NGEF: variants seen among roughly 807,000 people sequenced by gnomAD.
NGEF encodes the protein neuronal guanine nucleotide exchange factor, also known as ephexin-1.
In NGEF, 31 loss-of-function variants were observed where a neutral mutation model predicts 80.9. That is an observed-to-expected ratio of 0.38 (90% CI 0.29 to 0.52). The LOEUF (loss-of-function observed/expected upper bound fraction) is 0.52. Ranked by LOEUF, NGEF falls within the 20% of genes least tolerant of loss-of-function variation. The pLI is 0.84. For synonymous variants in NGEF, 371 were observed against 370.2 expected, an observed-to-expected ratio of 1.00 and a Z score of -0.03; for missense variants, 709 against 926.2, an observed-to-expected ratio of 0.77 and a Z score of 3.04.
chr2:232,931,030 A>G (rs912182863), intron 3 of NGEF, among the ~76,000 whole-genome samples: 9 of 152,206 alleles, frequency 5.9e-5, no homozygotes, highest in Non-Finnish European at 1.3e-4. Flanking sequence ...GAAAAATTCT[A>G]TGTTTCCAAA....
chr2:232,984,258 A>AT (rs11429177), intron 1 of NGEF, among the ~76,000 whole-genome samples: 75,652 of 145,286 alleles, frequency 0.52, 21,063 homozygotes, highest in East Asian at 0.91. Context: ...TTAATTTTCA[A>AT]TTTTTTTTTT....
intron 5 of NGEF, among the ~76,000 whole-genome samples, chr2:232,902,941 C>G (rs957062882): frequency 6.6e-6 from 1 of 152,174 alleles, no homozygotes; most frequent in Non-Finnish European, 1.5e-5. Flanking sequence ...TTGCAGTGAG[C>G]TGAGATCGCG....
intron 1 of NGEF, among the ~76,000 whole-genome samples, chr2:232,988,302 T>C (rs1001245016): frequency 1.3e-5 from 2 of 152,188 alleles, no homozygotes; most frequent in African/African-American, 2.4e-5. Context: ...AATTGTAACG[T>C]GGCTGAAATG....
At chr2:232,899,211 C>CTG (rs151240038) in intron 5 of NGEF, among the ~76,000 whole-genome samples, 2 of 151,816 alleles carry the variant, frequency 1.3e-5, no homozygotes, top group East Asian at 3.9e-4. Flanking sequence ...GAGTATGTGA[C>CTG]TGTGTGTGTG....
chr2:232,900,049 C>T (rs111163113), intron 5 of NGEF, among the ~76,000 whole-genome samples: 60 of 146,566 alleles, frequency 4.1e-4, no homozygotes, highest in Admixed American at 2.4e-3. Flanking sequence ...CACACACACA[C>T]GCTCTCACAG....
intron 1 of NGEF, 42 bp from the exon 2 acceptor site, chr2:232,975,006 C>G: frequency 2.0e-6 from 2 of 993,888 alleles, no homozygotes; most frequent in Non-Finnish European, 2.9e-6. Flanking sequence ...AGTCATCAGG[C>G]TAAGTATTCT....
Position 232,974,610 on chromosome 2 carries a change from C to A in NGEF, c.268+13G>T. ...GTAAGGGAACAGCCGTGACAGCTGT[C>A]CCTGATACTGACCTGCCAGGCAGCT... On this transcript the variant is annotated intron_variant, in intron 2 of 14. Transcript: ENST00000264051. 6.2e-7 allele frequency: 1 copy of A among 1,613,056 alleles called. No homozygotes were observed. Among genetic ancestry groups the A allele is most frequent in the East Asian group, 2.2e-5 (1 of 44,886 alleles).
chr2:232,880,008 C>A (rs1286369592), intron 14 of NGEF, among the ~76,000 whole-genome samples: 2 of 152,214 alleles, frequency 1.3e-5, no homozygotes, highest in African/African-American at 2.4e-5. Context: ...CTCCAAAAAG[C>A]TGGAGGCATT....
Position 232,898,037 on chromosome 2 carries a change from G to A in NGEF, c.829-3121C>T, listed in dbSNP as rs77788624. 4.4e-4 allele frequency among the ~76,000 whole-genome samples: 65 copies of A among 149,066 alleles called. 4 individuals are homozygous for A. The East Asian group carries it at 0.012, about 27-fold the overall frequency. On this transcript the variant is annotated intron_variant, in intron 5 of 14. Coordinates refer to ENST00000264051, the MANE Select transcript of NGEF (RefSeq NM_019850.3). ...GACCCCGAGTCGGCCAGTGTCCACCGACACAAAAGTGAGGCTATGACGGGC... is the reference window on the plus strand; with the variant it reads ...GACCCCGAGTCGGCCAGTGTCCACCAACACAAAAGTGAGGCTATGACGGGC...
intron 1 of NGEF, among the ~76,000 whole-genome samples, chr2:232,975,188 C>G (rs1158322105): frequency 1.3e-5 from 2 of 152,132 alleles, no homozygotes; most frequent in Non-Finnish European, 2.9e-5. Context: ...CTAAGAGGCA[C>G]TTTTAGGGGG....
chr2:232,990,282 T>C (rs1414872349), intron 1 of NGEF, among the ~76,000 whole-genome samples: 2 of 151,974 alleles, frequency 1.3e-5, no homozygotes, highest in South Asian at 2.1e-4. Flanking sequence ...TATAGTATTA[T>C]AGTAACAAAG....
chr2:233,004,842 G>A (rs1231134941), intron 1 of NGEF, among the ~76,000 whole-genome samples: 1 of 152,102 alleles, frequency 6.6e-6, no homozygotes, highest in African/African-American at 2.4e-5. Flanking sequence ...TTTGGTTGAG[G>A]CAAATTGCTT....
intron 1 of NGEF, among the ~76,000 whole-genome samples, chr2:232,986,520 CCATAAAAA>C (rs1694535083): frequency 6.6e-6 from 1 of 152,114 alleles, no homozygotes; most frequent in Non-Finnish European, 1.5e-5. Context: ...TATCATTCAG[CCATAAAAA>C]AGGAGAAAAT....
intron 6 of NGEF, chr2:232,894,502 A>G: frequency 3.0e-6 from 1 of 329,524 alleles, no homozygotes; most frequent in Non-Finnish European, 5.6e-6. Context: ...GGCCAGCAGG[A>G]TGCTCAGCGC....
At chr2:232,915,599 C>T (rs1418951626) in intron 5 of NGEF, among the ~76,000 whole-genome samples, 2 of 152,094 alleles carry the variant, frequency 1.3e-5, no homozygotes, top group Non-Finnish European at 2.9e-5. Flanking sequence ...TTATTTTTTT[C>T]TGATTCCCCA....
rs1235983080 is a variant in NGEF, at chr2:232,892,288, A to C, written c.1142+610T>G. ...GTGAGGCGCAATGTGCAGACGCCAC[A>C]ACTGGAAAACTCCCTGGGTGCTTCT... On this transcript the variant is annotated intron_variant, in intron 7 of 14. Transcript: ENST00000264051. The surrounding 1 kb of genome is among the most constrained non-coding windows in gnomAD (Gnocchi z 4.0). 1.3e-5 allele frequency among the ~76,000 whole-genome samples: 2 copies of C among 152,164 alleles called. No individual in the cohort carries two copies. Among genetic ancestry groups the C allele is most frequent in the Non-Finnish European group, 2.9e-5 (2 of 68,024 alleles).
chr2:232,891,555 C>T, intron 7 of NGEF, 68 bp from the exon 8 acceptor site: 3 of 1,509,190 alleles, frequency 2.0e-6, no homozygotes, highest in South Asian at 1.3e-5. Context: ...CTCCTCCTCC[C>T]CATCCACAGC....
intron 3 of NGEF, among the ~76,000 whole-genome samples, chr2:232,947,187 A>C (rs973755660): frequency 1.3e-5 from 2 of 152,240 alleles, no homozygotes; most frequent in Non-Finnish European, 2.9e-5. Context: ...TTCCAAATTA[A>C]CCAAATGATC....
chr2:232,954,427 C>A (rs1245306841), intron 3 of NGEF, among the ~76,000 whole-genome samples: 1 of 151,936 alleles, frequency 6.6e-6, no homozygotes, highest in Admixed American at 6.6e-5. Context: ...GCTGTGGGAG[C>A]TTAAGAGAGG....
Sources: gnomAD v4.1 joint callset for allele counts (sites outside exome capture counted in the v4.1 genomes callset) on GRCh38, gnomAD v4.1.1 for gene constraint, Gnocchi (gnomAD v3.1) non-coding constraint, MANE v1.5 for transcripts, NCBI Gene and HGNC (gene_info 2026-07-23, HGNC 2026-07-21) for gene names.